DTNA: variants seen among roughly 807,000 people sequenced by gnomAD.
DTNA encodes dystrobrevin alpha.
Under a neutral mutation model 100.7 loss-of-function variants are expected in DTNA, and 43 were observed. The observed-to-expected ratio is 0.43, with a 90% CI of 0.33 to 0.55. The LOEUF is 0.55. DTNA is among the 20% of genes least tolerant of loss of function. DTNA has a pLI of 0.04. For missense variants in DTNA, 798 were observed against 953.9 expected, an observed-to-expected ratio of 0.84 and a Z score of 2.15; for synonymous variants, 349 against 347.9, an observed-to-expected ratio of 1.00 and a Z score of -0.04.
intron 1 of DTNA, among the ~76,000 whole-genome samples, chr18:34,526,218 G>A (rs113614736): frequency 1.6e-4 from 25 of 152,258 alleles, no homozygotes; most frequent in African/African-American, 5.3e-4. Context: ...AAATGAAGTG[G>A]GAGACTTAAA....
intron 1 of DTNA, among the ~76,000 whole-genome samples, chr18:34,546,583 T>G (rs556123221): frequency 6.6e-6 from 1 of 152,020 alleles, no homozygotes; most frequent in Non-Finnish European, 1.5e-5. Context: ...AATGAAGACA[T>G]AATCAATGCA....
At chr18:34,881,407 A>G (rs777353528) in intron 20 of DTNA, among the ~76,000 whole-genome samples, 1 of 83,432 alleles carries the variant, frequency 1.2e-5, no homozygotes, top group Non-Finnish European at 2.4e-5. Context: ...TTATCTATTT[A>G]TTTGATAGTG....
intron 1 of DTNA, among the ~76,000 whole-genome samples, chr18:34,554,085 G>A (rs2045756432): frequency 7.4e-6 from 1 of 134,688 alleles, no homozygotes; most frequent in East Asian, 2.1e-4. Context: ...CCTTGAAGAG[G>A]TCCTTCACAT....
chr18:34,795,743 C>A (rs1008857947), intron 4 of DTNA, among the ~76,000 whole-genome samples: 1 of 152,190 alleles, frequency 6.6e-6, no homozygotes. Flanking sequence ...CATAAAGAAT[C>A]AAAGCCAAAT....
chr18:34,565,636 A>G (rs1185749864), intron 1 of DTNA, among the ~76,000 whole-genome samples: 1 of 152,060 alleles, frequency 6.6e-6, no homozygotes, highest in African/African-American at 2.4e-5. Context: ...AATAATTCCA[A>G]TCTCTGCCTT....
At chr18:34,677,598 G>A (rs2077545865) in intron 1 of DTNA, among the ~76,000 whole-genome samples, 3 of 152,050 alleles carry the variant, frequency 2.0e-5, no homozygotes, top group African/African-American at 4.8e-5. Flanking sequence ...AGGTGCTGTG[G>A]CTTAGAGAGC....
At chr18:34,804,550 A>C (rs1283058897) in intron 4 of DTNA, among the ~76,000 whole-genome samples, 1 of 152,178 alleles carries the variant, frequency 6.6e-6, no homozygotes, top group Non-Finnish European at 1.5e-5. Context: ...GTAGTAATTA[A>C]GGAAGAGCAA....
intron 3 of DTNA, among the ~76,000 whole-genome samples, chr18:34,792,585 G>A (rs1279343149): frequency 3.3e-5 from 5 of 152,122 alleles, no homozygotes; most frequent in East Asian, 1.9e-4. Flanking sequence ...TCTCAAAAAC[G>A]GAAACTGTTA....
intron 1 of DTNA, among the ~76,000 whole-genome samples, chr18:34,754,519 C>T (rs868786349): frequency 5.9e-5 from 9 of 152,106 alleles, no homozygotes; most frequent in South Asian, 2.1e-4. Context: ...CACTGTGATG[C>T]GCTCATAGGA....
In DTNA at chr18:34,875,531, G is replaced by GGCCT. The variant is rs542803121; in HGVS notation, c.1903+137_1903+140dup. On this transcript the variant is annotated intron_variant, in intron 18 of 22. Transcript: ENST00000444659. The stretch of plus-strand genomic sequence containing the variant: ...TCTTTCATGGCTGGTGTCAGAGCCT[G>GGCCT]GCCTGCCAGCCATTTTGGGAACTCC... 8 of 1,339,386 alleles carry GGCCT rather than the reference G, an allele frequency of 6.0e-6. No homozygotes were observed. The South Asian group carries it at 1.0e-4, about 17-fold the overall frequency. 83.0% of individuals were successfully genotyped at this position (1,339,386 alleles called of 1,614,324 possible). A position where few individuals can be genotyped will look rare whatever the true frequency, so the allele number is the denominator to read the frequency against.
intron 1 of DTNA, among the ~76,000 whole-genome samples, chr18:34,737,041 G>A (rs2089745008): frequency 6.6e-6 from 1 of 152,080 alleles, no homozygotes; most frequent in South Asian, 2.1e-4. Flanking sequence ...AAGTTCATTT[G>A]TATTCATTTT....
intron 3 of DTNA, among the ~76,000 whole-genome samples, chr18:34,788,833 TA>T (rs1355824392): frequency 6.6e-6 from 1 of 152,210 alleles, no homozygotes; most frequent in Non-Finnish European, 1.5e-5. Flanking sequence ...GATACTTGGC[TA>T]AAATTTAGTT....
chr18:34,552,158 A>G (rs1419155647), intron 1 of DTNA, among the ~76,000 whole-genome samples: 1 of 152,046 alleles, frequency 6.6e-6, no homozygotes, highest in Admixed American at 6.6e-5. Context: ...AATATAACTC[A>G]TATTTTTCCA....
At chr18:34,583,571 G>A (rs1309434076) in intron 1 of DTNA, among the ~76,000 whole-genome samples, 5 of 150,456 alleles carry the variant, frequency 3.3e-5, no homozygotes, top group Non-Finnish European at 5.9e-5. Flanking sequence ...GAACACAACA[G>A]CAGAGAGCTA....
chr18:34,868,765 GAT>G (rs764349083), intron 17 of DTNA: 1 of 985,062 alleles, frequency 1.0e-6, no homozygotes, highest in Non-Finnish European at 1.2e-6. Context: ...AATATAATGT[GAT>G]GATTATGATA....
chr18:34,641,666 C>T (rs545362610), intron 1 of DTNA, among the ~76,000 whole-genome samples: 27 of 152,206 alleles, frequency 1.8e-4, no homozygotes, highest in Non-Finnish European at 3.1e-4. Context: ...TATTGAATAT[C>T]ATTGCGTCTC....
At position 34,781,946 on chromosome 18, in the gene DTNA, G is replaced by A. The variant is rs193261648; in HGVS notation, c.149-12091G>A. Among the ~76,000 whole-genome samples the A allele has an allele frequency of 2.8e-3, 424 of 152,320 alleles. 2 individuals are homozygous for A. The highest frequency in any genetic ancestry group is 3.9e-3 in the Non-Finnish European group (262 of 68,026). Reference sequence around the variant, plus strand: ...GACAAGTAGGAGACAGTTCCTCATGGCTGCCAGCCCTATCGGTGCTCTTTC... The same window carrying A: ...GACAAGTAGGAGACAGTTCCTCATGACTGCCAGCCCTATCGGTGCTCTTTC... On this transcript the variant is annotated intron_variant, in intron 3 of 22. Coordinates refer to ENST00000444659, the MANE Select transcript of DTNA (RefSeq NM_001386795.1).
intron 3 of DTNA, among the ~76,000 whole-genome samples, chr18:34,782,809 C>T (rs780555879): frequency 8.5e-5 from 13 of 152,114 alleles, no homozygotes; most frequent in Non-Finnish European, 1.6e-4. Flanking sequence ...GGGTTTTACT[C>T]AATAGGCAAT....
At chr18:34,634,980 T>A (rs1247059945) in intron 1 of DTNA, among the ~76,000 whole-genome samples, 1 of 152,198 alleles carries the variant, frequency 6.6e-6, no homozygotes, top group Non-Finnish European at 1.5e-5. Context: ...GTTAGCATTA[T>A]GATTTATTCC....
Sources: gnomAD v4.1 joint callset for allele counts (sites outside exome capture counted in the v4.1 genomes callset) on GRCh38, gnomAD v4.1.1 for gene constraint, MANE v1.5 for transcripts, NCBI Gene and HGNC (gene_info 2026-07-23, HGNC 2026-07-21) for gene names.